The following EPHA6 variants were observed in gnomAD, a reference collection of about 807,000 sequenced individuals.
The protein encoded by EPHA6 is EPH receptor A6, also known as ephrin type-A receptor 6.
Under a neutral mutation model 112.0 loss-of-function variants are expected in EPHA6, and 50 were observed. That is an observed-to-expected ratio of 0.45 (90% confidence interval 0.36 to 0.56). The LOEUF is 0.56. Among genes scored for constraint, EPHA6 ranks in the 20% least tolerant of loss-of-function variants. The pLI, the probability that EPHA6 is intolerant of heterozygous loss-of-function variation, is 0.00. For synonymous variants in EPHA6, 529 were observed against 490.7 expected (o/e 1.08, Z -1.03); for missense variants, 1,280 against 1,417.4 (o/e 0.90, Z 1.56).
chr3:97,149,854 A>G (rs749132513), intron 3 of EPHA6, among the ~76,000 whole-genome samples: 48 of 149,742 alleles, frequency 3.2e-4, no homozygotes, highest in Middle Eastern at 3.2e-3. Context: ...ATTATAATAC[A>G]TATAATACAT....
intron 5 of EPHA6, among the ~76,000 whole-genome samples, chr3:97,334,248 AT>A (rs754259436): frequency 1.3e-5 from 2 of 151,874 alleles, no homozygotes; most frequent in Admixed American, 6.6e-5. Context: ...ATTGGTCTTT[AT>A]TTTTTTAACT....
chr3:96,837,963 G>A (rs2034516309), intron 1 of EPHA6, among the ~76,000 whole-genome samples: 1 of 151,950 alleles, frequency 6.6e-6, no homozygotes, highest in Non-Finnish European at 1.5e-5. Flanking sequence ...TTGCTTCACA[G>A]ATCATCCCAT....
At chr3:97,073,623 A>T (rs976210512) in intron 3 of EPHA6, among the ~76,000 whole-genome samples, 2 of 152,128 alleles carry the variant, frequency 1.3e-5, no homozygotes, top group Non-Finnish European at 2.9e-5. Context: ...ATAAAACAAG[A>T]TTCAAACAAT....
intron 3 of EPHA6, among the ~76,000 whole-genome samples, chr3:97,148,496 T>C (rs1454377513): frequency 1.3e-5 from 2 of 152,086 alleles, no homozygotes; most frequent in Non-Finnish European, 2.9e-5. Flanking sequence ...TTTTCAAAAA[T>C]TTGAGGGAAA....
intron 3 of EPHA6, among the ~76,000 whole-genome samples, chr3:97,191,656 T>C (rs2077310214): frequency 6.6e-6 from 1 of 152,132 alleles, no homozygotes; most frequent in Admixed American, 6.6e-5. Flanking sequence ...GAATCTCATT[T>C]TCTTTCACGG....
chr3:97,159,463 G>C (rs567162967), intron 3 of EPHA6, among the ~76,000 whole-genome samples: 4 of 152,186 alleles, frequency 2.6e-5, no homozygotes, highest in East Asian at 3.9e-4. Context: ...TTTCCTGCTG[G>C]GTCACTGGGA....
intron 12 of EPHA6, among the ~76,000 whole-genome samples, chr3:97,607,693 T>C (rs2093689871): frequency 1.3e-5 from 2 of 151,168 alleles, no homozygotes; most frequent in Non-Finnish European, 3.0e-5. Context: ...GTTTGTCCAC[T>C]GACTTTAGTA....
At chr3:97,396,906 T>C (rs1438250903) in intron 5 of EPHA6, among the ~76,000 whole-genome samples, 1 of 151,832 alleles carries the variant, frequency 6.6e-6, no homozygotes, top group East Asian at 1.9e-4. Context: ...TAATTGTAAA[T>C]GAGGCCTCTT....
chr3:96,892,483 A>G (rs1040090395), intron 2 of EPHA6, among the ~76,000 whole-genome samples: 5 of 152,094 alleles, frequency 3.3e-5, no homozygotes, highest in East Asian at 3.9e-4. Flanking sequence ...TCAGCCCCCA[A>G]AGTGCTGGGA....
At chr3:97,697,347 T>G (rs548769648) in intron 14 of EPHA6, among the ~76,000 whole-genome samples, 1 of 152,328 alleles carries the variant, frequency 6.6e-6, no homozygotes, top group African/African-American at 2.4e-5. Context: ...TTTTCTCTCC[T>G]TGGCCTTTTG....
intron 10 of EPHA6, among the ~76,000 whole-genome samples, chr3:97,513,518 T>A (rs144122587): frequency 9.8e-5 from 15 of 152,314 alleles, no homozygotes; most frequent in African/African-American, 3.6e-4. Flanking sequence ...ATCCTGTCAT[T>A]TGTGACAAGA....
chr3:96,888,987 C>T (rs2037795993), intron 2 of EPHA6, among the ~76,000 whole-genome samples: 1 of 152,114 alleles, frequency 6.6e-6, no homozygotes, highest in Non-Finnish European at 1.5e-5. Flanking sequence ...TTTCTTCCGC[C>T]AGATACCCTA....
chr3:97,202,182 T>C (rs1559794994), intron 3 of EPHA6, among the ~76,000 whole-genome samples: 1 of 152,006 alleles, frequency 6.6e-6, no homozygotes, highest in Non-Finnish European at 1.5e-5. Context: ...AGAAACTCCT[T>C]TTTGATACTC....
intron 5 of EPHA6, among the ~76,000 whole-genome samples, chr3:97,268,393 T>C (rs1437395910): frequency 6.6e-6 from 1 of 152,166 alleles, no homozygotes; most frequent in East Asian, 1.9e-4. Flanking sequence ...TGACCCATAG[T>C]GCCTGTCACA....
At chr3:97,481,529 G>A (rs955889431) in intron 9 of EPHA6, 1 of 868,750 alleles carries the variant, frequency 1.2e-6, no homozygotes, top group African/African-American at 1.7e-5. Flanking sequence ...CTAAGTGCAG[G>A]CCCGGGGGTC....
Position 97,244,185 on chromosome 3 carries a change from C to T in EPHA6, c.1504C>T (p.His502Tyr). Residue 502 changes from histidine (H) to tyrosine (Y), a missense_variant, in exon 5 of 18, where the codon CAC becomes TAC. Coordinates refer to ENST00000389672, the MANE Select transcript of EPHA6 (RefSeq NM_001080448.3). ...CGTGATAGTACTTGACTTTGTGTCT[C>T]ACGTGAATTACACCTTTGAAATAGA... is the stretch of plus-strand genomic sequence containing the variant. ...NSVIVLDFVS[H>Y]VNYTFEIEAM... is the part of the protein sequence containing the mutation. 1.2e-6 allele frequency: 2 copies of T among 1,613,178 alleles called. No individual in the cohort carries two copies. The highest frequency in any genetic ancestry group is 1.7e-6 in the Non-Finnish European group (2 of 1,179,396).
chr3:97,357,297 C>T (rs144466271), intron 5 of EPHA6, among the ~76,000 whole-genome samples: 182 of 152,226 alleles, frequency 1.2e-3, no homozygotes, highest in African/African-American at 4.2e-3. Context: ...GTCTTCACCT[C>T]CCAGGTTCAA....
At chr3:97,510,582 A>C (rs1044058127) in intron 10 of EPHA6, among the ~76,000 whole-genome samples, 5 of 152,180 alleles carry the variant, frequency 3.3e-5, no homozygotes, top group East Asian at 1.9e-4. Flanking sequence ...AGGGGCACCC[A>C]CCAGATGCCA....
chr3:97,166,835 T>C (rs2076553809), intron 3 of EPHA6, among the ~76,000 whole-genome samples: 1 of 152,166 alleles, frequency 6.6e-6, no homozygotes, highest in African/African-American at 2.4e-5. Context: ...AAGAAGTGTC[T>C]CCTATTATCA....
Sources: allele counts gnomAD v4.1 joint callset (sites outside exome capture counted in the v4.1 genomes callset), GRCh38; gene constraint gnomAD v4.1.1; transcripts MANE v1.5; gene names NCBI Gene and HGNC (gene_info 2026-07-23, HGNC 2026-07-21).